The following AKR1C4 variants were observed in gnomAD, a reference collection of about 807,000 sequenced individuals.
AKR1C4 encodes 3-alpha-HSD1.
A neutral mutation model predicts 41.0 loss-of-function variants in AKR1C4; 44 were observed. The ratio of observed to expected loss-of-function variants is 1.07; its 90% CI spans 0.84 to 1.38. The LOEUF (loss-of-function observed/expected upper bound fraction) is 1.38, where lower values mean the gene tolerates loss of function less well. AKR1C4 is among the 40% of genes most tolerant of loss of function. The pLI, the probability that AKR1C4 is intolerant of heterozygous loss-of-function variation, is 0.00. For missense variants in AKR1C4, 438 were observed against 387.9 expected, an observed-to-expected ratio of 1.13 and a Z score of -1.09; for synonymous variants, 165 against 137.7, an observed-to-expected ratio of 1.20 and a Z score of -1.39.
intron 1 of AKR1C4, among the ~76,000 whole-genome samples, chr10:5,198,311 C>G (rs891886128): frequency 6.6e-6 from 1 of 152,150 alleles, no homozygotes; most frequent in Non-Finnish European, 1.5e-5. Context: ...CAATAGACTG[C>G]CACCCGTAGA....
At chr10:5,216,936 T>G (rs916314468) in intron 8 of AKR1C4, 143 bp downstream of exon 8, 1 of 605,582 alleles carries the variant, frequency 1.7e-6, no homozygotes, top group Non-Finnish European at 2.9e-6. Context: ...ACTCTCCTTC[T>G]GGATTCACTC....
At position 5,203,499 on chromosome 10, in the gene AKR1C4, T is replaced by C. The variant is rs551683032; in HGVS notation, c.253-878T>C. Among the ~76,000 whole-genome samples, 289 of 152,320 alleles carry C rather than the reference T, an allele frequency of 1.9e-3. 2 individuals are homozygous for C. The highest frequency in any genetic ancestry group is 6.4e-3 in the African/African-American group (267 of 41,582). ...CTGGGTAGGGTTAAGGCCTTACCCA[T>C]GGCCTGAATTCTCAGATTCCCTGGT... On this transcript the variant is annotated intron_variant, in intron 2 of 8. Coordinates refer to ENST00000263126, the MANE Select transcript of AKR1C4 (RefSeq NM_001818.5).
chr10:5,205,080 T>G (rs1215138886), intron 3 of AKR1C4, among the ~76,000 whole-genome samples: 1 of 152,216 alleles, frequency 6.6e-6, no homozygotes, highest in Non-Finnish European at 1.5e-5. Context: ...AAAAAAGAGT[T>G]TATTGCATGA....
At chr10:5,214,226 A>G (rs1832620456) in intron 7 of AKR1C4, among the ~76,000 whole-genome samples, 1 of 152,132 alleles carries the variant, frequency 6.6e-6, no homozygotes, top group African/African-American at 2.4e-5. Context: ...ATATTTGCTC[A>G]CTTATCTTGA....
Position 5,218,703 on chromosome 10 carries a change from C to G in AKR1C4, c.930-15C>G. ...CATTTCATCCATATTTATGTACTAT[C>G]CTTTCTCTTTTCAGTCTTATGGACC... On this transcript the variant is annotated splice_polypyrimidine_tract_variant and intron_variant, in intron 8 of 8. Coordinates refer to ENST00000263126, the MANE Select transcript of AKR1C4 (RefSeq NM_001818.5). 1 of 1,575,108 alleles carries G rather than the reference C, an allele frequency of 6.3e-7. No homozygotes were observed.
At chr10:5,202,503 C>G in intron 2 of AKR1C4, 2 of 455,400 alleles carry the variant, frequency 4.4e-6, no homozygotes, top group Non-Finnish European at 4.4e-6. Flanking sequence ...ATTTTTTTTA[C>G]CTTGCCTGAT....
At chr10:5,198,921 G>T (rs1554796608) in intron 1 of AKR1C4, among the ~76,000 whole-genome samples, 1 of 150,578 alleles carries the variant, frequency 6.6e-6, no homozygotes, top group African/African-American at 2.4e-5. Context: ...AGGATCACTT[G>T]AGCCCAAGGT....
At chr10:5,215,664 C>G (rs962585148) in intron 7 of AKR1C4, among the ~76,000 whole-genome samples, 9 of 152,198 alleles carry the variant, frequency 5.9e-5, no homozygotes, top group African/African-American at 2.2e-4. Context: ...GGAATGGACA[C>G]GATGCAGTCA....
At chr10:5,204,732 C>T in intron 3 of AKR1C4, 1 of 615,358 alleles carries the variant, frequency 1.6e-6, no homozygotes, top group Admixed American at 2.2e-5. Context: ...AAAATAACAA[C>T]AGCCACCTTC....
Position 5,216,764 on chromosome 10 carries a change from C to G in AKR1C4, c.900C>G (p.Asn300Lys). ...ATATGAAAGTTCTAGATGGTCTAAACAGAAATTATCGATATGTTGTCATGG... is the reference window on the plus strand; with the variant it reads ...ATATGAAAGTTCTAGATGGTCTAAAGAGAAATTATCGATATGTTGTCATGG... ...SEDMKVLDGL[N>K]RNYRYVVMDF... Residue 300 changes from asparagine (N) to lysine (K), a missense_variant, in exon 8 of 9, where the codon AAC becomes AAG. Asn to Lys is a moderately conservative substitution (Grantham distance 94, BLOSUM62 0). Coordinates refer to ENST00000263126, the MANE Select transcript of AKR1C4 (RefSeq NM_001818.5). 6.2e-7 allele frequency: 1 copy of G among 1,611,810 alleles called. No homozygotes were observed. The highest frequency in any genetic ancestry group is 1.3e-5 in the African/African-American group (1 of 74,984).
intron 7 of AKR1C4, among the ~76,000 whole-genome samples, chr10:5,213,445 A>C (rs1832607731): frequency 1.3e-5 from 2 of 152,172 alleles, no homozygotes; most frequent in South Asian, 4.1e-4. Flanking sequence ...TTCTGAAGTG[A>C]GGAGTTGGGT....
intron 1 of AKR1C4, among the ~76,000 whole-genome samples, chr10:5,197,281 G>A (rs1456041518): frequency 5.3e-5 from 8 of 152,216 alleles, no homozygotes; most frequent in Non-Finnish European, 8.8e-5. Flanking sequence ...GATGACTGCA[G>A]TGAGAATGGT....
In AKR1C4 at chr10:5,206,384, C is replaced by T. The variant is rs1832487440; in HGVS notation, c.557C>T (p.Pro186Leu). The change falls in exon 5 of 9, where the codon CCT becomes CTT. Residue 186 changes from proline to leucine, a missense_variant. By Grantham distance (98) the Pro-to-Leu change is moderately conservative. Transcript: ENST00000263126. ...ILNKPGLKYK[P>L]VCNQVECHPY... ...AACAAGCCAGGACTCAAGTACAAGC[C>T]TGTCTGCAACCAGGTGAGCACCCTC... 1 of 1,613,964 alleles carries T rather than the reference C, an allele frequency of 6.2e-7. No individual in the cohort carries two copies. Among genetic ancestry groups the T allele is most frequent in the African/African-American group, 1.3e-5 (1 of 74,898 alleles).
chr10:5,216,927 C>A, intron 8 of AKR1C4, 134 bp downstream of exon 8: 1 of 619,252 alleles, frequency 1.6e-6, no homozygotes. Context: ...CTCTCTGGAA[C>A]TCTCCTTCTG....
intron 2 of AKR1C4, among the ~76,000 whole-genome samples, chr10:5,203,157 C>T (rs543913049): frequency 2.0e-5 from 3 of 152,226 alleles, no homozygotes; most frequent in Non-Finnish European, 4.4e-5. Flanking sequence ...CCTCCCCATC[C>T]ACCTTCAAGG....
intron 1 of AKR1C4, among the ~76,000 whole-genome samples, chr10:5,199,436 A>T (rs1554796653): frequency 6.6e-6 from 1 of 152,116 alleles, no homozygotes; most frequent in East Asian, 1.9e-4. Flanking sequence ...TTTCCTGCCC[A>T]AAAGTTGCAT....
At chr10:5,215,558 A>C (rs1287875578) in intron 7 of AKR1C4, among the ~76,000 whole-genome samples, 1 of 152,146 alleles carries the variant, frequency 6.6e-6, no homozygotes, top group Non-Finnish European at 1.5e-5. Context: ...AGGCTGTTAG[A>C]AGCAGTCACA....
chr10:5,200,553 G>A (rs1158466565), intron 2 of AKR1C4, among the ~76,000 whole-genome samples: 1 of 152,172 alleles, frequency 6.6e-6, no homozygotes, highest in Non-Finnish European at 1.5e-5. Flanking sequence ...TTTACTACTT[G>A]AAAGTTACTT....
chr10:5,210,334 C>G (rs542495794), intron 5 of AKR1C4, among the ~76,000 whole-genome samples: 4 of 152,318 alleles, frequency 2.6e-5, no homozygotes, highest in South Asian at 4.1e-4. Flanking sequence ...CTTTCATGGG[C>G]TGGCATTGAG....
Sources: allele counts gnomAD v4.1 joint callset (sites outside exome capture counted in the v4.1 genomes callset), GRCh38; gene constraint gnomAD v4.1.1; transcripts MANE v1.5; gene names NCBI Gene and HGNC (gene_info 2026-07-23, HGNC 2026-07-21).